Variants in TMEM67 observed in about 807,000 individuals in gnomAD.
TMEM67 encodes the protein transmembrane protein 67.
A neutral mutation model predicts 136.6 loss-of-function variants in TMEM67; 124 were observed. The observed-to-expected ratio is 0.91, with a 90% confidence interval of 0.78 to 1.05. The LOEUF (loss-of-function observed/expected upper bound fraction) is 1.05. Ranked by LOEUF, TMEM67 falls within the 50% of genes least tolerant of loss-of-function variation. TMEM67 has a pLI of 0.00. For missense variants in TMEM67, 1,107 were observed against 1,178.4 expected (o/e 0.94, Z 0.89); for synonymous variants, 364 against 390.5 (o/e 0.93, Z 0.80).
downstream of TMEM67, among the ~76,000 whole-genome samples, chr8:93,819,512 G>T (rs544343800): frequency 1.3e-5 from 2 of 152,278 alleles, no homozygotes; most frequent in East Asian, 1.9e-4. Context: ...CCTCAGAAGG[G>T]TCTTATAATT....
At chr8:93,824,218 A>G (rs1400257433), downstream of TMEM67, among the ~76,000 whole-genome samples, 1 of 152,224 alleles carries the variant, frequency 6.6e-6, no homozygotes, top group Non-Finnish European at 1.5e-5. Flanking sequence ...AGCTGATTGG[A>G]GATAATCATG....
rs1178465539 is a variant in TMEM67 at position 93,793,221 on chromosome 8, G to A, written c.1599G>A (p.Gly533=). 2 of 1,614,022 alleles carry A rather than the reference G, an allele frequency of 1.2e-6. No individual in the cohort carries two copies. Among genetic ancestry groups the A allele is most frequent in the South Asian group, 1.1e-5 (1 of 91,068 alleles). The part of the protein sequence containing the change: ...QTDIALGVLG[G]LAVLASLLKT... Reference sequence around the variant, plus strand: ...AGATTGCTTTGGGTGTATTGGGTGGGCTAGCTGTTTTAGCATCTCTTTTGA... The same window carrying A: ...AGATTGCTTTGGGTGTATTGGGTGGACTAGCTGTTTTAGCATCTCTTTTGA... The change falls in exon 16 of 28, where the codon GGG becomes GGA. Residue 533 remains glycine (G), a synonymous_variant. Coordinates refer to ENST00000453321, the MANE Select transcript of TMEM67 (RefSeq NM_153704.6).
chr8:93,794,935 C>G (rs1814539791), intron 16 of TMEM67: 1 of 186,254 alleles, frequency 5.4e-6, no homozygotes, highest in Admixed American at 5.4e-5. Context: ...TAGTCATTGA[C>G]TACATGGCTG....
chr8:93,823,591 C>G (rs1172198370), downstream of TMEM67, among the ~76,000 whole-genome samples: 3 of 151,984 alleles, frequency 2.0e-5, no homozygotes, highest in Non-Finnish European at 2.9e-5. Flanking sequence ...CTGGCCAGGA[C>G]TATAGGATGG....
chr8:93,775,114 C>T (rs750757018), intron 7 of TMEM67, among the ~76,000 whole-genome samples: 20 of 152,104 alleles, frequency 1.3e-4, no homozygotes, highest in Non-Finnish European at 2.2e-4. Context: ...CCAGTGATGA[C>T]GAGCATTTTT....
At position 93,797,350 on chromosome 8, in the gene TMEM67, TG is replaced by T. The variant is rs1352152366; in HGVS notation, c.1981del (p.Ala661ProfsTer5). On this transcript the variant is annotated frameshift_variant, in exon 20 of 28. Coordinates refer to ENST00000453321, the MANE Select transcript of TMEM67 (RefSeq NM_153704.6). LOFTEE classifies it high-confidence loss of function. ...GACCAGGTGAGGGTGGTGTACGAAGTGCCACTGTTCCTGTAAGCATATGGAG... is the reference window on the plus strand; with the variant it reads ...GACCAGGTGAGGGTGGTGTACGAAGTCCACTGTTCCTGTAAGCATATGGAG... ...AVEGEGGVRS[A>X]TVPVSIWRTY... 1.9e-6 allele frequency: 3 copies of T among 1,614,170 alleles called. No homozygotes were observed. The highest frequency in any genetic ancestry group is 1.7e-6 in the Non-Finnish European group (2 of 1,180,008).
chr8:93,791,101 C>T (rs1358016745), intron 14 of TMEM67, 162 bp from the exon 15 acceptor site: 4 of 571,626 alleles, frequency 7.0e-6, no homozygotes, highest in South Asian at 4.8e-5. Context: ...TTCTCAAAAG[C>T]ATATCTATTT....
chr8:93,790,284 T>C (rs1177640346), intron 14 of TMEM67, among the ~76,000 whole-genome samples: 1 of 152,232 alleles, frequency 6.6e-6, no homozygotes, highest in African/African-American at 2.4e-5. Flanking sequence ...AGATTTCCTC[T>C]TTAATATTTC....
At chr8:93,827,550 A>T in the TMEM67 span, among the ~76,000 whole-genome samples, 5 of 149,232 alleles carry the variant, frequency 3.4e-5, no homozygotes, top group Non-Finnish European at 7.4e-5. Context: ...GGCATGTGCC[A>T]CCATGCCTGC....
chr8:93,768,465 G>T (rs567664750), intron 6 of TMEM67, among the ~76,000 whole-genome samples: 1 of 151,856 alleles, frequency 6.6e-6, no homozygotes, highest in East Asian at 2.0e-4. Context: ...TACAAAAATT[G>T]TCTGGGTGTG....
chr8:93,778,219 C>T (rs1813646426), intron 7 of TMEM67, among the ~76,000 whole-genome samples: 1 of 152,164 alleles, frequency 6.6e-6, no homozygotes, highest in Non-Finnish European at 1.5e-5. Context: ...TATCTTCCTC[C>T]ATCCCTTTAT....
intron 2 of TMEM67, chr8:93,757,230 C>A (rs529627325): frequency 8.6e-5 from 13 of 151,870 alleles, no homozygotes; most frequent in Non-Finnish European, 1.6e-4. Flanking sequence ...TATTTTTGTT[C>A]TTTATAAACT....
At chr8:93,782,495 T>G in intron 11 of TMEM67, 35 bp downstream of exon 11, 2 of 1,537,230 alleles carry the variant, frequency 1.3e-6, no homozygotes, top group Non-Finnish European at 1.8e-6. Flanking sequence ...TATTTTAGCT[T>G]TATTTTTCAA....
chr8:93,824,542 T>C, the TMEM67 span, among the ~76,000 whole-genome samples: 14 of 152,146 alleles, frequency 9.2e-5, no homozygotes, highest in Non-Finnish European at 1.9e-4. Context: ...AGAGCCATCA[T>C]TTAATCACTT....
At chr8:93,766,498 T>C (rs1317533822) in intron 6 of TMEM67, among the ~76,000 whole-genome samples, 2 of 152,148 alleles carry the variant, frequency 1.3e-5, no homozygotes, top group African/African-American at 4.8e-5. Flanking sequence ...TAACCACTTC[T>C]AGGGTATAAA....
chr8:93,764,687 A>C (rs933532745), intron 4 of TMEM67, among the ~76,000 whole-genome samples: 4 of 152,192 alleles, frequency 2.6e-5, no homozygotes, highest in Non-Finnish European at 5.9e-5. Context: ...TCTGAGGGCT[A>C]CTTAGTGTTG....
intron 23 of TMEM67, among the ~76,000 whole-genome samples, chr8:93,805,455 G>A (rs1372573894): frequency 6.6e-6 from 1 of 151,976 alleles, no homozygotes. Context: ...ATGGTCGCGG[G>A]CGCCTGTAGT....
intron 11 of TMEM67, 120 bp from the exon 12 acceptor site, chr8:93,785,102 C>G: frequency 2.7e-6 from 2 of 730,280 alleles, no homozygotes; most frequent in Non-Finnish European, 4.7e-6. Flanking sequence ...ACTAGAAAAA[C>G]ACTCTGAAGA....
intron 7 of TMEM67, among the ~76,000 whole-genome samples, chr8:93,776,537 G>A (rs190046100): frequency 6.6e-6 from 1 of 152,242 alleles, no homozygotes; most frequent in East Asian, 1.9e-4. Context: ...TCAATACCTA[G>A]TTTATTGAGA....
Sources: gnomAD v4.1 joint callset for allele counts (sites outside exome capture counted in the v4.1 genomes callset) on GRCh38, gnomAD v4.1.1 for gene constraint, MANE v1.5 for transcripts, NCBI Gene and HGNC (gene_info 2026-07-23, HGNC 2026-07-21) for gene names.